Variants in HNRNPL observed in about 807,000 individuals in gnomAD.
HNRNPL encodes epididymis secretory sperm binding protein.
In HNRNPL, 12 loss-of-function variants were observed where a neutral mutation model predicts 64.0. The ratio of observed to expected loss-of-function variants is 0.19; its 90% CI spans 0.12 to 0.30. HNRNPL has a LOEUF of 0.30. HNRNPL is among the 10% of genes least tolerant of loss of function. The pLI, the probability that HNRNPL is intolerant of heterozygous loss-of-function variation, is 1.00. For missense variants in HNRNPL, 484 were observed against 797.4 expected, an observed-to-expected ratio of 0.61 and a Z score of 4.73; for synonymous variants, 385 against 313.0, an observed-to-expected ratio of 1.23 and a Z score of -2.43.
intron 6 of HNRNPL, chr19:38,841,948 G>A: frequency 2.9e-6 from 1 of 339,456 alleles, no homozygotes; most frequent in Non-Finnish European, 5.8e-6. Flanking sequence ...GTGTCTCCTG[G>A]TATGAGGTGT....
chr19:38,841,827 G>C lies in HNRNPL; in HGVS notation c.881-1268C>G. The stretch of plus-strand genomic sequence containing the variant: ...TCTGTCCTCAGAAGATATCAGAAAA[G>C]TGGAAATAAAGGTGTATGAAGTGGG... On this transcript the variant is annotated intron_variant, in intron 6 of 12. Transcript: ENST00000221419. 5.0e-6 allele frequency: 2 copies of C among 403,108 alleles called. 1 individual carries two copies. Among genetic ancestry groups the C allele is most frequent in the South Asian group, 3.7e-5 (2 of 53,746 alleles). 25.0% of individuals were successfully genotyped at this position (403,108 alleles called of 1,614,324 possible). A position where few individuals can be genotyped will look rare whatever the true frequency, so the allele number is the denominator to read the frequency against.
rs1971968009 is a variant in HNRNPL, at chr19:38,837,499, AAAAGT to A, written c.1616-25_1616-21del. 1.2e-6 allele frequency: 2 copies of A among 1,613,720 alleles called. No individual in the cohort carries two copies. Among genetic ancestry groups the A allele is most frequent in the African/African-American group, 2.7e-5 (2 of 74,914 alleles). ...GCTCACCTGATTGCAAACCAAGGGG[AAAAGT>A]AAAGGTTTTAGACTCACCCAATAGG... is the stretch of plus-strand genomic sequence containing the variant. On this transcript the variant is annotated intron_variant, in intron 11 of 12. Transcript: ENST00000221419.
At chr19:38,844,172 G>A (rs1972207553) in intron 4 of HNRNPL, 68 bp from the exon 5 acceptor site, 3 of 981,068 alleles carry the variant, frequency 3.1e-6, no homozygotes, top group East Asian at 2.4e-5. Context: ...ACCCCAGAGT[G>A]TGATAAGGAC....
chr19:38,838,568 A>C lies in HNRNPL; in HGVS notation c.1386T>G (p.Gly462=), dbSNP rs1249580412. Residue 462 remains glycine (G), a synonymous_variant, in exon 10 of 13, where the codon GGT becomes GGG. Coordinates refer to ENST00000221419, the MANE Select transcript of HNRNPL (RefSeq NM_001533.3). ...CVSKQPAIMP[G]QSYGLEDGSC... is the part of the protein sequence containing the mutation. ...ACCCGTCTTCCAACCCGTATGACTG[A>C]CCAGGCATGATGGCTGGCTGCTTGG... 6.2e-7 allele frequency: 1 copy of C among 1,614,002 alleles called. No homozygotes were observed. Among genetic ancestry groups the C allele is most frequent in the East Asian group, 2.2e-5 (1 of 44,900 alleles).
At chr19:38,840,421 CACGGCGG>C (rs753964012) in intron 7 of HNRNPL, 45 bp from the exon 8 acceptor site, 9 of 1,562,646 alleles carry the variant, frequency 5.8e-6, no homozygotes, top group Admixed American at 3.9e-5. Flanking sequence ...TGAGAATTTG[CACGGCGG>C]GCGGCGGGCA....
intron 6 of HNRNPL, chr19:38,842,163 G>C (rs956110886): frequency 6.9e-6 from 1 of 145,196 alleles, no homozygotes; most frequent in African/African-American, 2.6e-5. Context: ...GTTGGCAGCC[G>C]GTGACTGCAG....
At chr19:38,848,113 T>C (rs1216960560) in intron 1 of HNRNPL, among the ~76,000 whole-genome samples, 2 of 152,164 alleles carry the variant, frequency 1.3e-5, no homozygotes, top group South Asian at 2.1e-4. Context: ...TTTTTTGAGA[T>C]GGAGTCTCAC....
chr19:38,840,731 G>A (rs1186767269), intron 6 of HNRNPL, 172 bp from the exon 7 acceptor site: 13 of 629,968 alleles, frequency 2.1e-5, no homozygotes, highest in African/African-American at 5.6e-5. Flanking sequence ...CATGAAGCCC[G>A]AGCCTCAAAG....
At chr19:38,849,572 C>G in intron 1 of HNRNPL, 128 bp downstream of exon 1, 10 of 1,220,408 alleles carry the variant, frequency 8.2e-6, no homozygotes, top group Non-Finnish European at 1.0e-5. Context: ...CGCCCCTCCC[C>G]CACACCGTCA....
Position 38,840,568 on chromosome 19 carries a change from A to T in HNRNPL, c.881-9T>A, listed in dbSNP as rs574181669. 7 of 1,574,264 alleles carry T rather than the reference A, an allele frequency of 4.4e-6. No individual in the cohort carries two copies. The highest frequency in any genetic ancestry group is 6.0e-6 in the Non-Finnish European group (7 of 1,160,398). On this transcript the variant is annotated splice_polypyrimidine_tract_variant and intron_variant, in intron 6 of 12. Coordinates refer to ENST00000221419, the MANE Select transcript of HNRNPL (RefSeq NM_001533.3). ...GTTGCTGCCAGGGTCACCTGTGGAG[A>T]GAGAAAACAGTTAGGAGTCTCACTC...
chr19:38,836,476 C>T lies in HNRNPL; in HGVS notation c.*246G>A. The T allele has an allele frequency of 5.4e-6, 2 of 370,734 alleles. No individual in the cohort carries two copies. The highest frequency in any genetic ancestry group is 2.1e-5 in the African/African-American group (1 of 47,698). 23.0% of individuals were successfully genotyped at this position (370,734 alleles called of 1,614,324 possible). A position where few individuals can be genotyped will look rare whatever the true frequency, so the allele number is the denominator to read the frequency against. ...GTATGAACAGGAAAAAAAAAAATCA[C>T]ATGTACAATAATTTTTTAAAAGTGA... On this transcript the variant is annotated 3_prime_UTR_variant, in exon 13 of 13. Transcript: ENST00000221419.
At chr19:38,847,514 C>G (rs1600068206) in intron 1 of HNRNPL, 80 bp from the exon 2 acceptor site, 1 of 753,798 alleles carries the variant, frequency 1.3e-6, no homozygotes, top group South Asian at 3.0e-5. Context: ...TGTTGTAGAC[C>G]CAGTCAGATA....
upstream of HNRNPL, among the ~76,000 whole-genome samples, chr19:38,851,842 G>A (rs953820371): frequency 3.9e-5 from 6 of 152,238 alleles, 1 homozygote; most frequent in South Asian, 1.2e-3. Flanking sequence ...GTTAGGGGAG[G>A]GGGCCTTGCT....
intron 1 of HNRNPL, 45 bp downstream of exon 1, chr19:38,849,655 T>C: frequency 1.5e-6 from 2 of 1,300,116 alleles, no homozygotes; most frequent in African/African-American, 1.5e-5. Flanking sequence ...TGGGAAATTG[T>C]CCCCCAGTTC....
intron 9 of HNRNPL, 120 bp from the exon 10 acceptor site, chr19:38,838,718 G>A: frequency 7.6e-7 from 1 of 1,311,164 alleles, no homozygotes; most frequent in Non-Finnish European, 1.1e-6. Flanking sequence ...CTACACCTGA[G>A]GCAAGGCTGA....
intron 9 of HNRNPL, 124 bp downstream of exon 9, chr19:38,838,770 A>G: frequency 7.1e-7 from 1 of 1,404,716 alleles, no homozygotes; most frequent in Non-Finnish European, 1.0e-6. Flanking sequence ...CTGGGAACAC[A>G]CCTGCCACAT....
chr19:38,839,813 G>A (rs768237023), intron 8 of HNRNPL: 5 of 383,884 alleles, frequency 1.3e-5, no homozygotes, highest in Non-Finnish European at 1.9e-5. Flanking sequence ...CACTATAATG[G>A]ATTCATTTTT....
Position 38,849,703 on chromosome 19 carries a change from ACCGCCG to A in HNRNPL, c.258_263del (p.Gly88_Gly89del), listed in dbSNP as rs911771296. On this transcript the variant is annotated inframe_deletion, in exon 1 of 13. Coordinates refer to ENST00000221419, the MANE Select transcript of HNRNPL (RefSeq NM_001533.3). ...GCGCCTAGGGCCCTGGCCTCACCCC[ACCGCCG>A]CCGCCGCCCGCCGCCCCGGCTCCTC... The A allele has an allele frequency of 2.2e-6, 3 of 1,356,588 alleles. No individual in the cohort carries two copies. The highest frequency in any genetic ancestry group is 1.5e-5 in the African/African-American group (1 of 64,768). The allele number at this position is 1,356,588 out of a possible 1,614,324, so 84.0% of individuals were successfully genotyped here. A position where few individuals can be genotyped will look rare whatever the true frequency, so the allele number is the denominator to read the frequency against.
At position 38,838,884 on chromosome 19, in the gene HNRNPL, G is replaced by C. The variant is rs778306000; in HGVS notation, c.1355+10C>G. 5 of 1,614,072 alleles carry C rather than the reference G, an allele frequency of 3.1e-6. No homozygotes were observed. The highest frequency in any genetic ancestry group is 1.1e-5 in the South Asian group (1 of 91,052). Reference sequence around the variant, plus strand: ...GTACCTCTGCTGCCCTCCCGAGCCTGAGCACCTACCAGACATTCAGCTTCT... The same window carrying C: ...GTACCTCTGCTGCCCTCCCGAGCCTCAGCACCTACCAGACATTCAGCTTCT... On this transcript the variant is annotated intron_variant, in intron 9 of 12. Transcript: ENST00000221419.
Sources: allele counts gnomAD v4.1 joint callset (sites outside exome capture counted in the v4.1 genomes callset), GRCh38; gene constraint gnomAD v4.1.1; transcripts MANE v1.5; gene names NCBI Gene and HGNC (gene_info 2026-07-23, HGNC 2026-07-21).